The following RBM18 variants were observed in gnomAD, a reference collection of about 807,000 sequenced individuals.
RBM18 encodes probable RNA-binding protein 18.
A neutral mutation model predicts 26.4 loss-of-function variants in RBM18; 18 were observed. The observed-to-expected ratio is 0.68, with a 90% confidence interval of 0.47 to 1.01. RBM18 has a LOEUF of 1.01. Ranked by LOEUF, RBM18 falls within the 50% of genes least tolerant of loss-of-function variation. RBM18 has a pLI of 0.00. For missense variants in RBM18, 180 were observed against 219.2 expected, an observed-to-expected ratio of 0.82 and a Z score of 1.13; for synonymous variants, 74 against 81.1, an observed-to-expected ratio of 0.91 and a Z score of 0.47.
In RBM18 at chr9:122,238,033, T is replaced by C. The variant is rs1355411861; in HGVS notation, c.*3851A>G. On this transcript the variant is annotated 3_prime_UTR_variant, in exon 6 of 6. Transcript: ENST00000417201. Reference sequence around the variant, plus strand: ...AGGCAGAGGCCAGTTTGCTGAACACTGGACTAGATGTTTGCAGGCCTGGGT... The same window carrying C: ...AGGCAGAGGCCAGTTTGCTGAACACCGGACTAGATGTTTGCAGGCCTGGGT... The C allele has an allele frequency of 1.3e-5, 2 of 152,238 alleles. No individual in the cohort carries two copies. The highest frequency in any genetic ancestry group is 2.9e-5 in the Non-Finnish European group (2 of 68,042). 9.4% of individuals were successfully genotyped at this position (152,238 alleles called of 1,614,324 possible). A position where few individuals can be genotyped will look rare whatever the true frequency, so the allele number is the denominator to read the frequency against.
chr9:122,254,050 C>A (rs1831648704), intron 2 of RBM18, among the ~76,000 whole-genome samples: 2 of 149,466 alleles, frequency 1.3e-5, no homozygotes, highest in South Asian at 2.1e-4. Context: ...GAAAAAAAAC[C>A]CACAAAAACA....
intron 4 of RBM18, among the ~76,000 whole-genome samples, chr9:122,245,655 C>T (rs2118953406): frequency 6.6e-6 from 1 of 152,186 alleles, no homozygotes; most frequent in Middle Eastern, 3.4e-3. Context: ...TGTCACATAT[C>T]ACCTCTTACA....
intron 5 of RBM18, among the ~76,000 whole-genome samples, chr9:122,244,570 T>C (rs995561140): frequency 6.6e-6 from 1 of 152,208 alleles, no homozygotes; most frequent in Admixed American, 6.6e-5. Flanking sequence ...AATGACACAC[T>C]GCAAATAAAG....
chr9:122,263,872 C>G (rs765560601), intron 1 of RBM18, among the ~76,000 whole-genome samples: 2 of 152,164 alleles, frequency 1.3e-5, no homozygotes, highest in Non-Finnish European at 2.9e-5. Flanking sequence ...ACTTTTGCAC[C>G]TAGTAACTGC....
At chr9:122,243,391 T>C (rs1831455623) in intron 5 of RBM18, among the ~76,000 whole-genome samples, 1 of 152,190 alleles carries the variant, frequency 6.6e-6, no homozygotes, top group Non-Finnish European at 1.5e-5. Context: ...TAACAAACTG[T>C]AGTGAGGATT....
At chr9:122,246,122 G>C (rs1412520017) in intron 4 of RBM18, among the ~76,000 whole-genome samples, 1 of 152,200 alleles carries the variant, frequency 6.6e-6, no homozygotes, top group East Asian at 1.9e-4. Flanking sequence ...CTACAGTAAA[G>C]TAGTAGTTTA....
rs761098221 is a variant in RBM18, at chr9:122,241,890, T to C, written c.567A>G (p.Arg189=). 1 of 1,611,222 alleles carries C rather than the reference T, an allele frequency of 6.2e-7. No individual in the cohort carries two copies. Among genetic ancestry groups the C allele is most frequent in the South Asian group, 1.1e-5 (1 of 90,176 alleles). The change falls in exon 6 of 6, where the codon CGA becomes CGG. Residue 189 remains arginine, a synonymous_variant. Coordinates refer to ENST00000417201, the MANE Select transcript of RBM18 (RefSeq NM_033117.4). ...TPYSRTAWKS[R]R ...CTACAGTAATTCACAACCATCATCT[T>C]CGAGATTTCCATGCTGTTCTAGAAT...
chr9:122,241,690 C>G lies in RBM18; in HGVS notation c.*194G>C. ...AATTTGGGATACAACGCTATTTATT[C>G]TGGATGATGCTCAATTCCATACATA... On this transcript the variant is annotated 3_prime_UTR_variant, in exon 6 of 6. Transcript: ENST00000417201. 1 of 499,420 alleles carries G rather than the reference C, an allele frequency of 2.0e-6. No individual in the cohort carries two copies. Among genetic ancestry groups the G allele is most frequent in the Non-Finnish European group, 3.5e-6 (1 of 285,724 alleles). The allele number at this position is 499,420 out of a possible 1,614,324, so 30.9% of individuals were successfully genotyped here. A position where few individuals can be genotyped will look rare whatever the true frequency, so the allele number is the denominator to read the frequency against.
chr9:122,243,637 G>T, intron 5 of RBM18: 1 of 760,570 alleles, frequency 1.3e-6, no homozygotes, highest in Non-Finnish European at 1.6e-6. Context: ...GCCAGTGAGA[G>T]AAACTTGGAA....
intron 2 of RBM18, chr9:122,254,157 C>T (rs531054082): frequency 9.6e-4 from 151 of 156,794 alleles, no homozygotes; most frequent in African/African-American, 3.5e-3. Flanking sequence ...GAAGGTAACA[C>T]GATTGGCATT....
At chr9:122,256,967 GC>G (rs1222065243) in intron 2 of RBM18, among the ~76,000 whole-genome samples, 1 of 152,166 alleles carries the variant, frequency 6.6e-6, no homozygotes, top group Admixed American at 6.5e-5. Flanking sequence ...TTTGGAATCT[GC>G]TAATTCCATA....
chr9:122,255,254 A>C (rs1281776863), intron 2 of RBM18, among the ~76,000 whole-genome samples: 1 of 152,186 alleles, frequency 6.6e-6, no homozygotes, highest in Non-Finnish European at 1.5e-5. Context: ...TTCCAATTTA[A>C]GTAACCAAAC....
chr9:122,257,878 G>A (rs1831723359), intron 2 of RBM18, among the ~76,000 whole-genome samples: 2 of 152,070 alleles, frequency 1.3e-5, no homozygotes, highest in Admixed American at 1.3e-4. Flanking sequence ...GCAATTTGTG[G>A]ATAGAAGGTA....
At chr9:122,247,111 T>C (rs1009866759) in intron 4 of RBM18, among the ~76,000 whole-genome samples, 1 of 152,184 alleles carries the variant, frequency 6.6e-6, no homozygotes, top group African/African-American at 2.4e-5. Context: ...AAACTACCCA[T>C]GTCTCAAGCG....
At chr9:122,248,003 G>C (rs1831533081) in intron 3 of RBM18, among the ~76,000 whole-genome samples, 1 of 152,088 alleles carries the variant, frequency 6.6e-6, no homozygotes, top group South Asian at 2.1e-4. Context: ...GGCCAGGACT[G>C]TCTCAATCTC....
At chr9:122,246,639 T>TA (rs1330616615) in intron 4 of RBM18, among the ~76,000 whole-genome samples, 1 of 152,216 alleles carries the variant, frequency 6.6e-6, no homozygotes, top group Non-Finnish European at 1.5e-5. Flanking sequence ...TATCTGAACT[T>TA]AGTTTTTCAG....
chr9:122,260,536 A>C (rs1831774451), intron 2 of RBM18, among the ~76,000 whole-genome samples: 1 of 152,152 alleles, frequency 6.6e-6, no homozygotes, highest in African/African-American at 2.4e-5. Context: ...GTGATGTAAA[A>C]GAGCAGGGAG....
chr9:122,252,064 C>T (rs1831613589), intron 2 of RBM18, 91 bp from the exon 3 acceptor site: 2 of 1,542,744 alleles, frequency 1.3e-6, no homozygotes, highest in African/African-American at 2.7e-5. Flanking sequence ...GATAATTTAC[C>T]CCAGGGATGA....
rs756907995 is a variant in RBM18 at position 122,245,334 on chromosome 9, T to C, written c.335A>G (p.Asp112Gly). 12 of 1,603,700 alleles carry C rather than the reference T, an allele frequency of 7.5e-6. No individual in the cohort carries two copies. The highest frequency in any genetic ancestry group is 1.0e-5 in the Non-Finnish European group (12 of 1,170,882). ...RWAHAQVKRY[D>G]HNKNDKILPI... ...AAGAATCTTATCATTCTTGTTATGA[T>C]CATATCTCTGAAAATGAGAAATAGA... The change falls in exon 5 of 6, where the codon GAT becomes GGT. Residue 112 changes from aspartate (D) to glycine (G), a missense_variant. By Grantham distance (94) the Asp-to-Gly change is moderately conservative (BLOSUM62 -1). Transcript: ENST00000417201.
Sources: gnomAD v4.1 joint callset for allele counts (sites outside exome capture counted in the v4.1 genomes callset) on GRCh38, gnomAD v4.1.1 for gene constraint, MANE v1.5 for transcripts, NCBI Gene and HGNC (gene_info 2026-07-23, HGNC 2026-07-21) for gene names.